The following ZBED1 variants were observed in gnomAD, a reference collection of about 807,000 sequenced individuals.
ZBED1 encodes the protein zinc finger BED-type containing 1, also known as E3 SUMO-protein ligase ZBED1.
ZBED1 carries 19 observed loss-of-function variants against 49.7 expected under a neutral mutation model. That is an observed-to-expected ratio of 0.38 (90% CI 0.27 to 0.56). ZBED1 has a LOEUF of 0.56. Among genes scored for constraint, ZBED1 ranks in the 20% least tolerant of loss-of-function variants. ZBED1 has a pLI of 0.70. For missense variants in ZBED1, 806 were observed against 972.6 expected, an observed-to-expected ratio of 0.83 and a Z score of 2.28; for synonymous variants, 439 against 440.3, an observed-to-expected ratio of 1.00 and a Z score of 0.04.
Position 2,490,681 on chromosome X carries a change from C to T in ZBED1, c.39G>A (p.Leu13=), listed in dbSNP as rs776894460. ...NKSLESSQTD[L]KLVAHPRAKS... The stretch of plus-strand genomic sequence containing the variant: ...TGGCGCGGGGGTGGGCCACCAGCTT[C>T]AGGTCTGTCTGGGAGCTCTCCAGGC... Residue 13 remains leucine (L), a synonymous_variant, in exon 2 of 2, where the codon CTG becomes CTA. Transcript: ENST00000652001. The T allele has an allele frequency of 3.7e-6, 6 of 1,613,962 alleles. No homozygotes were observed. The highest frequency in any genetic ancestry group is 1.7e-4 in the Middle Eastern group (1 of 6,050).
rs1225548866 is a variant in ZBED1 at position 2,486,909 on chromosome X, G to A, written c.*1726C>T. 1.3e-5 allele frequency: 2 copies of A among 152,284 alleles called. No individual in the cohort carries two copies. Among genetic ancestry groups the A allele is most frequent in the Non-Finnish European group, 2.9e-5 (2 of 68,090 alleles). 9.4% of individuals were successfully genotyped at this position (152,284 alleles called of 1,614,324 possible). A position where few individuals can be genotyped will look rare whatever the true frequency, so the allele number is the denominator to read the frequency against. On this transcript the variant is annotated 3_prime_UTR_variant, in exon 2 of 2. Transcript: ENST00000652001. ...GAGAAGTCAGCAGCCGTGAAAGGCA[G>A]GTAGTTCCTTTGCCCTCTGACACCC...
intron 1 of ZBED1, among the ~76,000 whole-genome samples, chrX:2,492,582 C>T (rs550280858): frequency 6.9e-4 from 105 of 151,746 alleles, no homozygotes; most frequent in African/African-American, 2.3e-3. Flanking sequence ...TGAGATCATC[C>T]GGGATTTGAG....
At chrX:2,490,910 T>C (rs2045120141) in intron 1 of ZBED1, 138 bp from the exon 2 acceptor site, 2 of 710,574 alleles carry the variant, frequency 2.8e-6, no homozygotes, top group Non-Finnish European at 4.6e-6. Flanking sequence ...GGACCTTCCT[T>C]GCGGGTCACT....
intron 1 of ZBED1, among the ~76,000 whole-genome samples, chrX:2,493,734 C>T (rs1395223907): frequency 6.6e-6 from 1 of 152,074 alleles, no homozygotes; most frequent in Non-Finnish European, 1.5e-5. Context: ...CTTTGGGAGG[C>T]CAAGGTGGGT....
chrX:2,490,295 G>C lies in ZBED1; in HGVS notation c.425C>G (p.Ser142Cys). 6.2e-7 allele frequency: 1 copy of C among 1,613,610 alleles called. No individual in the cohort carries two copies. Among genetic ancestry groups the C allele is most frequent in the Non-Finnish European group, 8.5e-7 (1 of 1,179,874 alleles). Residue 142 changes from serine (S) to cysteine (C), a missense_variant, in exon 2 of 2, where the codon TCC becomes TGC. Physicochemically the swap from Ser to Cys is moderately radical, Grantham distance 112 (BLOSUM62 -1). This residue lies in a region of ZBED1 where 749 missense variants were observed against 861.3 expected (regional missense o/e 0.87). Transcript: ENST00000652001. ...CTTGAAGGTGGGCTCGTCCACGATG[G>C]AGGCTGGGTACAGCCCCTCGCAGAT... ...GLICEGLYPASIVDEPTFKVL... is the reference protein window; with the variant it reads ...GLICEGLYPACIVDEPTFKVL...
rs2045110610 is a variant in ZBED1, at chrX:2,490,600, C to A, written c.120G>T (p.Leu40=). ...TGCGGCAGTAGATTTTCTTCCACTGCAGGATGCATCCCTCGGCGTTGGTGT... is the reference window on the plus strand; with the variant it reads ...TGCGGCAGTAGATTTTCTTCCACTGAAGGATGCATCCCTCGGCGTTGGTGT... The part of the protein sequence containing the change: ...GFDTNAEGCI[L]QWKKIYCRIC... The change falls in exon 2 of 2, where the codon CTG becomes CTT. Residue 40 remains leucine, a synonymous_variant. Coordinates refer to ENST00000652001, the MANE Select transcript of ZBED1 (RefSeq NM_001171136.2). The A allele has an allele frequency of 3.1e-6, 5 of 1,613,860 alleles. No individual in the cohort carries two copies. The highest frequency in any genetic ancestry group is 2.7e-5 in the African/African-American group (2 of 74,930).
At chrX:2,491,845 C>T (rs2045155003) in intron 1 of ZBED1, among the ~76,000 whole-genome samples, 1 of 152,182 alleles carries the variant, frequency 6.6e-6, no homozygotes, top group African/African-American at 2.4e-5. Context: ...GGTGTGGAGG[C>T]TTAGATGACC....
chrX:2,495,876 A>G (rs1268684328), intron 1 of ZBED1, among the ~76,000 whole-genome samples: 1 of 152,048 alleles, frequency 6.6e-6, no homozygotes, highest in Non-Finnish European at 1.5e-5. Flanking sequence ...TGTGCCTCAC[A>G]TGACTCTTAC....
At chrX:2,500,337 C>A in intron 1 of ZBED1, 2 of 186,022 alleles carry the variant, frequency 1.1e-5, no homozygotes, top group Non-Finnish European at 2.3e-5. Flanking sequence ...GTCGAGGTCC[C>A]TGGGACGCCC....
In ZBED1 at chrX:2,487,688, C is replaced by T. The variant is rs755929136; in HGVS notation, c.*947G>A. The T allele has an allele frequency of 6.6e-6, 1 of 152,298 alleles. No homozygotes were observed. The highest frequency in any genetic ancestry group is 2.1e-4 in the South Asian group (1 of 4,830). 9.4% of individuals were successfully genotyped at this position (152,298 alleles called of 1,614,324 possible). On this transcript the variant is annotated 3_prime_UTR_variant, in exon 2 of 2. Coordinates refer to ENST00000652001, the MANE Select transcript of ZBED1 (RefSeq NM_001171136.2). ...ATTTCGGCAGGCAGCAGGAAGCAGG[C>T]TCTCTGGCAGCAACCTGTCGAAAAT...
At position 2,488,818 on chromosome X, in the gene ZBED1, G is replaced by A; in HGVS notation, c.1902C>T (p.Asn634=). 6.2e-7 allele frequency: 1 copy of A among 1,613,918 alleles called. No individual in the cohort carries two copies. The highest frequency in any genetic ancestry group is 8.5e-7 in the Non-Finnish European group (1 of 1,179,860). ...SAANVVSAKR[N]RLAPAHVDEQ... ...CGTCCACGTGCGCGGGAGCCAGCCG[G>A]TTCCTCTTGGCGCTGACCACGTTGG... The change falls in exon 2 of 2, where the codon AAC becomes AAT. Residue 634 remains asparagine (N), a synonymous_variant. Coordinates refer to ENST00000652001, the MANE Select transcript of ZBED1 (RefSeq NM_001171136.2).
chrX:2,489,786 G>C lies in ZBED1; in HGVS notation c.934C>G (p.Leu312Val). 1 of 1,613,474 alleles carries C rather than the reference G, an allele frequency of 6.2e-7. No individual in the cohort carries two copies. Among genetic ancestry groups the C allele is most frequent in the Non-Finnish European group, 8.5e-7 (1 of 1,179,868 alleles). Residue 312 changes from leucine to valine, a missense_variant, in exon 2 of 2, where the codon CTG becomes GTG. Leu to Val is a conservative substitution (Grantham distance 32). Coordinates refer to ENST00000652001, the MANE Select transcript of ZBED1 (RefSeq NM_001171136.2). ...AFQLPKLGAL[L>V]SRCRKLVEYF... ...TCCACCAGTTTGCGGCAGCGCGACAGCAGCGCCCCCAGCTTCGGGAGCTGG... is the reference window on the plus strand; with the variant it reads ...TCCACCAGTTTGCGGCAGCGCGACACCAGCGCCCCCAGCTTCGGGAGCTGG...
rs192730564 is a variant in ZBED1, at chrX:2,489,190, G to A, written c.1530C>T (p.Asp510=). The A allele has an allele frequency of 5.6e-5, 90 of 1,613,706 alleles. 1 individual carries two copies. Among genetic ancestry groups the A allele is most frequent in the East Asian group, 3.1e-4 (14 of 44,878 alleles). The change falls in exon 2 of 2, where the codon GAC becomes GAT. Residue 510 remains aspartate, a synonymous_variant. Transcript: ENST00000652001. ...TGTCCTCAGCCGGCCGGTAGCCGCC[G>A]TCTTTGACCTTGTCCAGCAGGCCCT... ...EAKGLLDKVK[D]GGYRPAEDKI...
chrX:2,489,255 C>G lies in ZBED1; in HGVS notation c.1465G>C (p.Glu489Gln). Reference protein sequence around the residue: ...YKRLPFLSAFERQQVENRVVE... With the variant: ...YKRLPFLSAFQRQQVENRVVE... ...ACGCGATTCTCCACCTGCTGCCGCTCGAAGGCGGAGAGGAAGGGCAGCCTC... is the reference window on the plus strand; with the variant it reads ...ACGCGATTCTCCACCTGCTGCCGCTGGAAGGCGGAGAGGAAGGGCAGCCTC... Residue 489 changes from glutamate to glutamine, a missense_variant, in exon 2 of 2, where the codon GAG (glutamate) becomes CAG (glutamine). This residue lies in a region of ZBED1 where 749 missense variants were observed against 861.3 expected (regional missense o/e 0.87). Transcript: ENST00000652001. 2 of 1,613,918 alleles carry G rather than the reference C, an allele frequency of 1.2e-6. No homozygotes were observed. The highest frequency in any genetic ancestry group is 8.5e-7 in the Non-Finnish European group (1 of 1,179,866).
rs1260069101 is a variant in ZBED1 at position 2,489,760 on chromosome X, C to T, written c.960G>A (p.Glu320=). 1.9e-6 allele frequency: 3 copies of T among 1,613,386 alleles called. No individual in the cohort carries two copies. The highest frequency in any genetic ancestry group is 2.5e-6 in the Non-Finnish European group (3 of 1,179,868). The part of the protein sequence containing the change: ...ALLSRCRKLV[E]YFQQSAVAMY... ...TGGCCACGGCAGACTGCTGGAAGTA[C>T]TCCACCAGTTTGCGGCAGCGCGACA... Residue 320 remains glutamate (E), a synonymous_variant, in exon 2 of 2, where the codon GAG becomes GAA. Coordinates refer to ENST00000652001, the MANE Select transcript of ZBED1 (RefSeq NM_001171136.2).
chrX:2,490,075 G>A lies in ZBED1; in HGVS notation c.645C>T (p.Ala215=), dbSNP rs373097064. 15 of 1,613,768 alleles carry A rather than the reference G, an allele frequency of 9.3e-6. No homozygotes were observed. In the African/African-American group the frequency reaches 1.2e-4, roughly 13 times the overall value. ...NQNRAYVTLA[A]HFLGLGAPNC... ...TGGGGGCGCCCAGGCCCAGGAAGTG[G>A]GCGGCCAGCGTGACGTAGGCGCGGT... The change falls in exon 2 of 2, where the codon GCC becomes GCT. Residue 215 remains alanine, a synonymous_variant. Coordinates refer to ENST00000652001, the MANE Select transcript of ZBED1 (RefSeq NM_001171136.2).
At chrX:2,500,664 C>CACCCCCGGCCACACTCCG (rs2045403124) in intron 1 of ZBED1, 153 bp downstream of exon 1, 1 of 129,836 alleles carries the variant, frequency 7.7e-6, no homozygotes, top group African/African-American at 2.9e-5. Context: ...GCCCCCCCCC[C>CACCCCCGGCCACACTCCG]ACCCCCGGCC....
chrX:2,489,571 G>A lies in ZBED1; in HGVS notation c.1149C>T (p.His383=), dbSNP rs1355684147. ...GVLVEDSNNH[H]LMLEASEWAT... Reference sequence around the variant, plus strand: ...CCCACTCGCTGGCCTCCAGCATGAGGTGGTGGTTGTTGCTGTCCTCCACCA... The same window carrying A: ...CCCACTCGCTGGCCTCCAGCATGAGATGGTGGTTGTTGCTGTCCTCCACCA... Residue 383 remains histidine, a synonymous_variant, in exon 2 of 2, where the codon CAC becomes CAT. Coordinates refer to ENST00000652001, the MANE Select transcript of ZBED1 (RefSeq NM_001171136.2). The A allele has an allele frequency of 6.2e-7, 1 of 1,612,580 alleles. No individual in the cohort carries two copies. The highest frequency in any genetic ancestry group is 8.5e-7 in the Non-Finnish European group (1 of 1,179,834).
In ZBED1 at chrX:2,487,511, G is replaced by C. The variant is rs5982687; in HGVS notation, c.*1124C>G. On this transcript the variant is annotated 3_prime_UTR_variant, in exon 2 of 2. Transcript: ENST00000652001. ...TCCCGAGTAGCTGGGATTACAGGCGGGTGCCACCGCATCTGGCTAGTTTCT... is the reference window on the plus strand; with the variant it reads ...TCCCGAGTAGCTGGGATTACAGGCGCGTGCCACCGCATCTGGCTAGTTTCT... The C allele has an allele frequency of 0.2, 30,777 of 152,082 alleles. 3,833 individuals carry two copies. Among genetic ancestry groups the C allele is most frequent in the East Asian group, 0.65 (3,328 of 5,120 alleles). The allele number at this position is 152,082 out of a possible 1,614,324, so 9.4% of individuals were successfully genotyped here. A position where few individuals can be genotyped will look rare whatever the true frequency, so the allele number is the denominator to read the frequency against.
Sources: allele counts gnomAD v4.1 joint callset (sites outside exome capture counted in the v4.1 genomes callset), GRCh38; gene constraint gnomAD v4.1.1; regional missense constraint gnomAD v4.1.1; transcripts MANE v1.5; gene names NCBI Gene and HGNC (gene_info 2026-07-23, HGNC 2026-07-21).